MVB12B: variants seen among roughly 807,000 people sequenced by gnomAD.
The protein encoded by MVB12B is ESCRT-I complex subunit MVB12B.
A neutral mutation model predicts 41.6 loss-of-function variants in MVB12B; 16 were observed. The observed-to-expected ratio is 0.38, with a 90% CI of 0.26 to 0.58. MVB12B has a LOEUF of 0.58. MVB12B is among the 20% of genes least tolerant of loss of function. The pLI is 0.62. For missense variants in MVB12B, 274 were observed against 380.2 expected, an observed-to-expected ratio of 0.72 and a Z score of 2.32; for synonymous variants, 133 against 139.7, an observed-to-expected ratio of 0.95 and a Z score of 0.34.
At chr9:126,450,500 G>A (rs918556961) in intron 7 of MVB12B, among the ~76,000 whole-genome samples, 3 of 152,166 alleles carry the variant, frequency 2.0e-5, no homozygotes, top group Non-Finnish European at 4.4e-5. Context: ...CTCCCTCCCC[G>A]GCCCTGCTCC....
chr9:126,479,137 G>A (rs1833474818), intron 7 of MVB12B, among the ~76,000 whole-genome samples: 1 of 152,136 alleles, frequency 6.6e-6, no homozygotes, highest in Non-Finnish European at 1.5e-5. Flanking sequence ...TGGGCTTCGG[G>A]ACTTTACTGG....
chr9:126,404,459 A>G lies in MVB12B; in HGVS notation c.662+8762A>G, dbSNP rs549013303. Among the ~76,000 whole-genome samples the G allele has an allele frequency of 9.2e-5, 14 of 152,302 alleles. No individual in the cohort carries two copies. In the South Asian group the frequency reaches 2.7e-3, roughly 29 times the overall value. On this transcript the variant is annotated intron_variant, in intron 6 of 9. Coordinates refer to ENST00000361171, the MANE Select transcript of MVB12B (RefSeq NM_033446.3). Reference sequence around the variant, plus strand: ...GAGGCCCCCAGCCGTGAAGCCTCTCATCAGGGAGCCAAGCATGTGCCTGGA... The same window carrying G: ...GAGGCCCCCAGCCGTGAAGCCTCTCGTCAGGGAGCCAAGCATGTGCCTGGA...
intron 3 of MVB12B, among the ~76,000 whole-genome samples, chr9:126,382,726 A>G (rs983773354): frequency 6.6e-6 from 1 of 152,056 alleles, no homozygotes; most frequent in African/African-American, 2.4e-5. Context: ...TTTTGTTTTC[A>G]TTGCATTTCC....
Position 126,486,305 on chromosome 9 carries a change from C to T in MVB12B, c.873+2273C>T, listed in dbSNP as rs1833618047. ...GAGCTGTGGGTGGCTGTGAAGTCCA[C>T]CTGCTTATGGACAGCCCATTTGCAT... On this transcript the variant is annotated intron_variant, in intron 9 of 9. Transcript: ENST00000361171. This position sits in a 1 kb window ranked among gnomAD's most constrained non-coding sequence, Gnocchi z 4.7. Among the ~76,000 whole-genome samples, 1 of 152,128 alleles carries T rather than the reference C, an allele frequency of 6.6e-6. No individual in the cohort carries two copies. Among genetic ancestry groups the T allele is most frequent in the Non-Finnish European group, 1.5e-5 (1 of 68,024 alleles).
intron 7 of MVB12B, among the ~76,000 whole-genome samples, chr9:126,425,412 T>G (rs1832147207): frequency 6.6e-6 from 1 of 152,228 alleles, no homozygotes; most frequent in Non-Finnish European, 1.5e-5. Context: ...TTACTCATTT[T>G]CCATAATAGC....
At chr9:126,400,981 C>CG (rs1831251926) in intron 6 of MVB12B, among the ~76,000 whole-genome samples, 1 of 152,128 alleles carries the variant, frequency 6.6e-6, no homozygotes, top group African/African-American at 2.4e-5. Flanking sequence ...ATCCATCCTG[C>CG]GGGGGCTCTC....
intron 2 of MVB12B, among the ~76,000 whole-genome samples, chr9:126,365,678 T>C (rs1398243917): frequency 6.6e-6 from 1 of 152,190 alleles, no homozygotes; most frequent in Non-Finnish European, 1.5e-5. Flanking sequence ...CTTATTAATA[T>C]ACCTTTCTAT....
At chr9:126,353,420 T>A (rs1049482720) in intron 2 of MVB12B, among the ~76,000 whole-genome samples, 2 of 152,224 alleles carry the variant, frequency 1.3e-5, no homozygotes, top group Non-Finnish European at 2.9e-5. Flanking sequence ...TACCTATTTA[T>A]AGAGAGAGGC....
intron 7 of MVB12B, among the ~76,000 whole-genome samples, chr9:126,435,047 T>G (rs1247413257): frequency 6.6e-6 from 1 of 152,204 alleles, no homozygotes; most frequent in Non-Finnish European, 1.5e-5. Flanking sequence ...GCTACATTAC[T>G]TTAGACAGTT....
At position 126,396,581 on chromosome 9, in the gene MVB12B, C is replaced by T. The variant is rs7046301; in HGVS notation, c.662+884C>T. The T allele has an allele frequency of 1.4e-3, 1,335 of 985,464 alleles. 22 individuals are homozygous for T. The African/African-American group carries it at 0.021, about 16-fold the overall frequency. 61.0% of individuals were successfully genotyped at this position (985,464 alleles called of 1,614,324 possible). A position where few individuals can be genotyped will look rare whatever the true frequency, so the allele number is the denominator to read the frequency against. On this transcript the variant is annotated intron_variant, in intron 6 of 9. Coordinates refer to ENST00000361171, the MANE Select transcript of MVB12B (RefSeq NM_033446.3). ...GCCATCCACAATACAGCCTGCCCTC[C>T]GGGACATACCACCAGCTCTCTGTAC...
In MVB12B at chr9:126,451,018, C is replaced by T. The variant is rs1239811863; in HGVS notation, c.757+29070C>T. ...TTTCTCCCATGGTGACTGGGCTCTG[C>T]GGTGAGTGGCTGTGTTTGGGGCTGT... On this transcript the variant is annotated intron_variant, in intron 7 of 9. Transcript: ENST00000361171. 8.5e-5 allele frequency among the ~76,000 whole-genome samples: 13 copies of T among 152,274 alleles called. No homozygotes were observed. In the South Asian group the frequency reaches 1.2e-3, roughly 15 times the overall value.
chr9:126,340,674 C>G lies in MVB12B; in HGVS notation c.204+44C>G. 6.2e-7 allele frequency: 1 copy of G among 1,603,740 alleles called. No individual in the cohort carries two copies. Among genetic ancestry groups the G allele is most frequent in the Non-Finnish European group, 8.5e-7 (1 of 1,172,328 alleles). ...TTGTACATTTTGCTCACTGATTCTA[C>G]AAGTATTTATCTCCTGTGTCCAAGA... On this transcript the variant is annotated intron_variant, in intron 2 of 9. Transcript: ENST00000361171. The surrounding 1 kb of genome is among the most constrained non-coding windows in gnomAD (Gnocchi z 4.0).
intron 6 of MVB12B, chr9:126,396,774 G>A (rs936025614): frequency 3.0e-6 from 3 of 985,326 alleles, no homozygotes; most frequent in Non-Finnish European, 3.6e-6. Flanking sequence ...ACTACCCCTG[G>A]AATTGCCTGA....
At chr9:126,466,844 T>G (rs1833211181) in intron 7 of MVB12B, among the ~76,000 whole-genome samples, 1 of 152,156 alleles carries the variant, frequency 6.6e-6, no homozygotes, top group South Asian at 2.1e-4. Flanking sequence ...TTTTTTTCTT[T>G]TGAGACAGGG....
intron 7 of MVB12B, among the ~76,000 whole-genome samples, chr9:126,434,347 A>G (rs994006447): frequency 1.3e-5 from 2 of 152,230 alleles, no homozygotes; most frequent in African/African-American, 2.4e-5. Flanking sequence ...TTGTCTTACA[A>G]TTGTCTGTAA....
intron 7 of MVB12B, among the ~76,000 whole-genome samples, chr9:126,424,550 C>T (rs1356228225): frequency 6.6e-6 from 1 of 152,226 alleles, no homozygotes; most frequent in Non-Finnish European, 1.5e-5. Flanking sequence ...CACCTCCTAC[C>T]AGCCCACCCA....
chr9:126,364,874 C>G (rs577041864), intron 2 of MVB12B, among the ~76,000 whole-genome samples: 1 of 151,952 alleles, frequency 6.6e-6, no homozygotes, highest in South Asian at 2.1e-4. Flanking sequence ...GCCTCAGCCT[C>G]CCAAGTAGCT....
At chr9:126,499,815 G>A (rs1286188676) in intron 9 of MVB12B, among the ~76,000 whole-genome samples, 2 of 152,314 alleles carry the variant, frequency 1.3e-5, no homozygotes, top group South Asian at 4.1e-4. Context: ...GCGCCCTCGC[G>A]GGGACCGGCG....
chr9:126,378,116 C>CCACCCCA (rs1830530932), intron 2 of MVB12B, among the ~76,000 whole-genome samples: 1 of 152,196 alleles, frequency 6.6e-6, no homozygotes, highest in African/African-American at 2.4e-5. Flanking sequence ...ATTTGGTCCT[C>CCACCCCA]CACCCCACAC....
Sources: allele counts gnomAD v4.1 joint callset (sites outside exome capture counted in the v4.1 genomes callset), GRCh38; gene constraint gnomAD v4.1.1; non-coding constraint Gnocchi (gnomAD v3.1); transcripts MANE v1.5; gene names NCBI Gene and HGNC (gene_info 2026-07-23, HGNC 2026-07-21).